NCAPH: variants seen among roughly 807,000 people sequenced by gnomAD.
The protein encoded by NCAPH is condensin complex subunit 2.
A neutral mutation model predicts 85.5 loss-of-function variants in NCAPH; 38 were observed. The ratio of observed to expected loss-of-function variants is 0.44; its 90% CI spans 0.34 to 0.58. NCAPH has a LOEUF of 0.58. Ranked by LOEUF, NCAPH falls within the 20% of genes least tolerant of loss-of-function variation. NCAPH has a pLI of 0.01. For synonymous variants in NCAPH, 301 were observed against 335.1 expected (o/e 0.90, Z 1.11); for missense variants, 789 against 916.6 (o/e 0.86, Z 1.80).
chr2:96,335,931 TG>T, intron 1 of NCAPH, 83 bp downstream of exon 1: 1 of 1,235,866 alleles, frequency 8.1e-7, no homozygotes, highest in Non-Finnish European at 1.0e-6. Context: ...CGGGCTGGCC[TG>T]GGCGGGGAGA....
At chr2:96,354,502 A>C in intron 9 of NCAPH, 114 bp downstream of exon 9, 1 of 905,218 alleles carries the variant, frequency 1.1e-6, no homozygotes, top group Non-Finnish European at 1.5e-6. Context: ...CCCCCCCCAA[A>C]AATAGAGACG....
In NCAPH at chr2:96,373,575, C is replaced by A; in HGVS notation, c.*224C>A. ...TTAAACTTTACTGCCCTATGGTGAC[C>A]ATCTAGGAGAGGGGAGGGCAGAGGG... On this transcript the variant is annotated 3_prime_UTR_variant, in exon 18 of 18. Transcript: ENST00000240423. 1 of 453,968 alleles carries A rather than the reference C, an allele frequency of 2.2e-6. No individual in the cohort carries two copies. Among genetic ancestry groups the A allele is most frequent in the Non-Finnish European group, 4.0e-6 (1 of 253,090 alleles). The allele number at this position is 453,968 out of a possible 1,614,324, so 28.1% of individuals were successfully genotyped here. A position where few individuals can be genotyped will look rare whatever the true frequency, so the allele number is the denominator to read the frequency against.
rs142838995 is a variant in NCAPH, at chr2:96,352,211, G to A, written c.910+191G>A. Reference sequence around the variant, plus strand: ...CACTAACTTTTGTCTTCTCTGCGGCGTGGAGTCTAAAACGGTAAACCATCG... The same window carrying A: ...CACTAACTTTTGTCTTCTCTGCGGCATGGAGTCTAAAACGGTAAACCATCG... On this transcript the variant is annotated intron_variant, in intron 7 of 17. Transcript: ENST00000240423. Among the ~76,000 whole-genome samples the A allele has an allele frequency of 3.8e-3, 581 of 152,236 alleles. 4 individuals carry two copies. Among genetic ancestry groups the A allele is most frequent in the Non-Finnish European group, 5.7e-3 (387 of 68,020 alleles).
At chr2:96,352,434 G>A (rs747432723) in intron 7 of NCAPH, among the ~76,000 whole-genome samples, 20 of 152,198 alleles carry the variant, frequency 1.3e-4, no homozygotes, top group Admixed American at 3.9e-4. Flanking sequence ...AGAAGAGAGC[G>A]TTGTGAATTG....
At chr2:96,359,869 T>TG (rs915338171) in intron 10 of NCAPH, among the ~76,000 whole-genome samples, 2 of 152,246 alleles carry the variant, frequency 1.3e-5, no homozygotes, top group Non-Finnish European at 2.9e-5. Flanking sequence ...GTGATCCTCC[T>TG]GCCTTAGCCT....
chr2:96,354,431 C>T, intron 9 of NCAPH, 43 bp downstream of exon 9: 1 of 1,380,326 alleles, frequency 7.2e-7, no homozygotes, highest in Non-Finnish European at 9.5e-7. Flanking sequence ...AGGAGTTTTC[C>T]ATTGGTTCTT....
At chr2:96,352,475 C>G (rs1451149951) in intron 7 of NCAPH, among the ~76,000 whole-genome samples, 2 of 152,212 alleles carry the variant, frequency 1.3e-5, no homozygotes, top group East Asian at 1.9e-4. Context: ...AGTCTAAGAA[C>G]TGATCTCTCC....
In NCAPH at chr2:96,376,434, G is replaced by A. The variant is rs2064832447; in HGVS notation, c.*3083G>A. ...GAACAAGGACAGATATCTGAAGGGG[G>A]TTTGTAGTTCCCAGTAAAGTATGGT... is the stretch of plus-strand genomic sequence containing the variant. On this transcript the variant is annotated 3_prime_UTR_variant, in exon 18 of 18. Transcript: ENST00000240423. Among the ~76,000 whole-genome samples the A allele has an allele frequency of 6.6e-6, 1 of 152,172 alleles. No homozygotes were observed. Among genetic ancestry groups the A allele is most frequent in the South Asian group, 2.1e-4 (1 of 4,828 alleles).
chr2:96,357,324 G>C (rs1014029440), intron 9 of NCAPH, among the ~76,000 whole-genome samples: 8 of 152,210 alleles, frequency 5.3e-5, no homozygotes, highest in African/African-American at 1.9e-4. Context: ...TTTGAAGTGG[G>C]CAGCCTTGAA....
chr2:96,341,780 A>G lies in NCAPH; in HGVS notation c.158A>G (p.Glu53Gly). 6.2e-7 allele frequency: 1 copy of G among 1,614,104 alleles called. No individual in the cohort carries two copies. ...AATATTCCTGGCACCCCAGTCCTCG[A>G]AGACTTTCCTCAGAATGACGATGAG... Reference protein sequence around the residue: ...PLNIPGTPVLEDFPQNDDEKE... With the variant: ...PLNIPGTPVLGDFPQNDDEKE... The change falls in exon 2 of 18, where the codon GAA (glutamate) becomes GGA (glycine). Residue 53 changes from glutamate (E) to glycine (G), a missense_variant. Transcript: ENST00000240423.
At chr2:96,358,959 T>C in intron 9 of NCAPH, 86 bp from the exon 10 acceptor site, 1 of 1,337,678 alleles carries the variant, frequency 7.5e-7, no homozygotes, top group Non-Finnish European at 1.0e-6. Context: ...CTCACAGAAA[T>C]GCAGCTCATT....
intron 12 of NCAPH, among the ~76,000 whole-genome samples, chr2:96,361,215 A>AT (rs2064604230): frequency 6.6e-6 from 1 of 151,356 alleles, no homozygotes; most frequent in Non-Finnish European, 1.5e-5. Context: ...TACCCAGTGA[A>AT]TTTTTTGTAG....
chr2:96,344,289 T>G (rs1408421408), intron 6 of NCAPH, 60 bp downstream of exon 6: 9 of 1,532,550 alleles, frequency 5.9e-6, no homozygotes, highest in Non-Finnish European at 7.9e-6. Context: ...GGGCTGAGAC[T>G]TGGCAGGGCT....
chr2:96,370,092 G>A (rs1173843585), intron 17 of NCAPH, among the ~76,000 whole-genome samples: 1 of 152,144 alleles, frequency 6.6e-6, no homozygotes, highest in Admixed American at 6.5e-5. Context: ...CTCAGGAGCC[G>A]AGTGGTACTA....
chr2:96,373,203 G>A, intron 17 of NCAPH, 89 bp from the exon 18 acceptor site: 1 of 1,060,330 alleles, frequency 9.4e-7, no homozygotes, highest in Non-Finnish European at 1.4e-6. Context: ...TTTCTTCTTT[G>A]TAGTCACTAC....
At chr2:96,367,952 A>C (rs1475296627) in intron 15 of NCAPH, among the ~76,000 whole-genome samples, 1 of 152,244 alleles carries the variant, frequency 6.6e-6, no homozygotes, top group Non-Finnish European at 1.5e-5. Flanking sequence ...AAACCTTTTG[A>C]TCTAATAATT....
At chr2:96,345,992 G>T (rs937936640) in intron 6 of NCAPH, among the ~76,000 whole-genome samples, 2 of 152,148 alleles carry the variant, frequency 1.3e-5, no homozygotes, top group Admixed American at 6.5e-5. Flanking sequence ...CAAGAGTTTT[G>T]ATTTTGTTTT....
chr2:96,371,559 G>A (rs769608521), intron 17 of NCAPH, among the ~76,000 whole-genome samples: 20 of 152,144 alleles, frequency 1.3e-4, no homozygotes, highest in Non-Finnish European at 2.5e-4. Flanking sequence ...GCTCTCAGTG[G>A]CAGTGCAGGC....
chr2:96,359,454 A>C (rs1376016931), intron 10 of NCAPH: 4 of 471,246 alleles, frequency 8.5e-6, no homozygotes, highest in African/African-American at 7.7e-5. Context: ...ACTGCTCCCT[A>C]GTATCCACAT....
Sources: allele counts gnomAD v4.1 joint callset (sites outside exome capture counted in the v4.1 genomes callset), GRCh38; gene constraint gnomAD v4.1.1; transcripts MANE v1.5; gene names NCBI Gene and HGNC (gene_info 2026-07-23, HGNC 2026-07-21).